The following CEP72 variants were observed in gnomAD, a reference collection of about 807,000 sequenced individuals.
CEP72 encodes centrosomal protein 72.
In CEP72, 78 loss-of-function variants were observed where a neutral mutation model predicts 65.7. The ratio of observed to expected loss-of-function variants is 1.19; its 90% confidence interval spans 0.99 to 1.43. The LOEUF (loss-of-function observed/expected upper bound fraction) is 1.43, where lower values mean the gene tolerates loss of function less well. Ranked by LOEUF, CEP72 falls within the 40% of genes most tolerant of loss-of-function variation. CEP72 has a pLI of 0.00. For missense variants in CEP72, 914 were observed against 832.9 expected (o/e 1.10, Z -1.20); for synonymous variants, 358 against 351.7 (o/e 1.02, Z -0.20).
Position 631,555 on chromosome 5 carries a change from T to C in CEP72, c.513-2214T>C, listed in dbSNP as rs370945316. On this transcript the variant is annotated intron_variant, in intron 4 of 11. Coordinates refer to ENST00000264935, the MANE Select transcript of CEP72 (RefSeq NM_018140.4). The stretch of plus-strand genomic sequence containing the variant: ...CCAGTCCTGGTGGGGTTCTGTCCAG[T>C]GCCGGGATTTGGACCAGTTCTGGTG... 6.7e-4 allele frequency among the ~76,000 whole-genome samples: 17 copies of C among 25,224 alleles called. 1 individual carries two copies. The highest frequency in any genetic ancestry group is 1.3e-4 in the Non-Finnish European group (2 of 15,962). The allele number at this position is 25,224 out of a possible 152,430, so 16.5% of individuals were successfully genotyped here.
At chr5:665,146 T>C in intron 2 of CEP72, 1 of 1,613,164 alleles carries the variant, frequency 6.2e-7, no homozygotes, top group Non-Finnish European at 8.5e-7. Context: ...CCTGCGTGCT[T>C]GTAGCCGGAC....
intron 6 of CEP72, among the ~76,000 whole-genome samples, chr5:637,030 G>A (rs1465076098): frequency 6.6e-6 from 1 of 152,102 alleles, no homozygotes; most frequent in East Asian, 1.9e-4. Context: ...TCCTTCCACA[G>A]ACAAGTTTGC....
chr5:614,641 A>ATGATCCACCGCGCCCGGCC (rs1735878962), intron 1 of CEP72, among the ~76,000 whole-genome samples: 1 of 151,942 alleles, frequency 6.6e-6, no homozygotes, highest in African/African-American at 2.4e-5. Flanking sequence ...GATTACAGGC[A>ATGATCCACCGCGCCCGGCC]TGATCCACCG....
At chr5:616,996 G>C (rs1038915740) in intron 1 of CEP72, among the ~76,000 whole-genome samples, 4 of 152,006 alleles carry the variant, frequency 2.6e-5, no homozygotes, top group African/African-American at 9.7e-5. Flanking sequence ...GATGTGAACA[G>C]TGTGTGTGGT....
At chr5:637,374 G>A in intron 6 of CEP72, 143 bp from the exon 7 acceptor site, 1 of 689,158 alleles carries the variant, frequency 1.5e-6, no homozygotes, top group Non-Finnish European at 2.5e-6. Context: ...ACGTGGATAG[G>A]TGTGCGTGTA....
chr5:637,843 A>G, intron 7 of CEP72, 25 bp downstream of exon 7: 9 of 1,501,514 alleles, frequency 6.0e-6, no homozygotes, highest in Non-Finnish European at 8.0e-6. Context: ...GGGGAGCAGC[A>G]GGCCCACGGC....
the CEP72 span, chr5:676,070 G>C: frequency 1.3e-5 from 2 of 152,228 alleles, no homozygotes; most frequent in African/African-American, 4.8e-5. Flanking sequence ...CGCTGGCCCT[G>C]GTTGCCTCTG....
chr5:612,415 G>A lies in CEP72; in HGVS notation c.54G>A (p.Lys18=), dbSNP rs533253178. ...LVLSEEAVRA[K]SGLGPHRDLA... ...TGAGCGAGGAGGCGGTTCGGGCGAA[G>A]AGCGGCTTAGGGCCTCACCGCGACC... The change falls in exon 1 of 12, where the codon AAG becomes AAA. Residue 18 remains lysine, a synonymous_variant. Transcript: ENST00000264935. The A allele has an allele frequency of 4.0e-6, 6 of 1,488,176 alleles. No homozygotes were observed. In the East Asian group the frequency reaches 1.4e-4, roughly 36 times the overall value. The allele number at this position is 1,488,176 out of a possible 1,614,324, so 92.2% of individuals were successfully genotyped here. A position where few individuals can be genotyped will look rare whatever the true frequency, so the allele number is the denominator to read the frequency against.
At chr5:643,215 A>G in intron 9 of CEP72, 1 of 985,424 alleles carries the variant, frequency 1.0e-6, no homozygotes, top group Non-Finnish European at 1.2e-6. Context: ...AAAGAAACAA[A>G]TGAAAAAGAG....
intron 2 of CEP72, chr5:663,765 T>G (rs531632717): frequency 6.6e-6 from 1 of 152,546 alleles, no homozygotes; most frequent in South Asian, 2.1e-4. Context: ...TCTGGAAAAG[T>G]TTCCCCAGGA....
intron 8 of CEP72, among the ~76,000 whole-genome samples, chr5:639,954 G>A (rs368387080): frequency 6.8e-4 from 104 of 152,306 alleles, no homozygotes; most frequent in African/African-American, 2.5e-3. Flanking sequence ...CTGGACCCCA[G>A]CCCCATAAAC....
chr5:643,298 C>T (rs1318851108), intron 9 of CEP72: 2 of 985,310 alleles, frequency 2.0e-6, no homozygotes, highest in South Asian at 4.7e-5. Flanking sequence ...GTGGCACTGC[C>T]AGGAGCTTTC....
rs1404974399 is a variant in CEP72 at position 629,539 on chromosome 5, G to T, written c.513-4230G>T. Reference sequence around the variant, plus strand: ...GGGTTCTGTCCAGTGCCGGGATTTGGACCAGTCCTGGTGGGGTTCTGTCCA... The same window carrying T: ...GGGTTCTGTCCAGTGCCGGGATTTGTACCAGTCCTGGTGGGGTTCTGTCCA... On this transcript the variant is annotated intron_variant, in intron 4 of 11. Coordinates refer to ENST00000264935, the MANE Select transcript of CEP72 (RefSeq NM_018140.4). 3.8e-5 allele frequency among the ~76,000 whole-genome samples: 4 copies of T among 104,660 alleles called. No individual in the cohort carries two copies. The Admixed American group carries it at 3.8e-4, about 10-fold the overall frequency. 68.7% of individuals were successfully genotyped at this position (104,660 alleles called of 152,430 possible).
At chr5:641,790 G>T in intron 9 of CEP72, 1 of 983,072 alleles carries the variant, frequency 1.0e-6, no homozygotes, top group Non-Finnish European at 1.2e-6. Context: ...CCGTCTAGAA[G>T]CCTGTGCATT....
At chr5:636,822 A>G (rs77124131) in intron 6 of CEP72, among the ~76,000 whole-genome samples, 11 of 151,854 alleles carry the variant, frequency 7.2e-5, no homozygotes, top group Admixed American at 2.6e-4. Flanking sequence ...AAAAAAAAAA[A>G]AAAAAGAAAA....
intron 10 of CEP72, 133 bp downstream of exon 10, chr5:644,558 C>T: frequency 1.9e-6 from 2 of 1,046,696 alleles, no homozygotes; most frequent in Admixed American, 2.1e-5. Context: ...GAGCCGAGCC[C>T]CTGCCTCACT....
rs528818961 is a variant in CEP72 at position 633,812 on chromosome 5, C to T, written c.556C>T (p.Gln186Ter). The T allele has an allele frequency of 3.2e-5, 52 of 1,614,120 alleles. 1 individual carries two copies. The South Asian group carries it at 4.8e-4, about 15-fold the overall frequency. ...CAAGTGCACCGAGGCCTTGGCCAAG[C>T]AGAGCCTGGTCATGGATGCGGATGA... ...RAKCTEALAKQSLVMDADDEA... is the reference protein window; with the variant it reads ...RAKCTEALAK Residue 186 changes from glutamine to a stop codon, truncating the protein, a stop_gained, in exon 5 of 12, where the codon CAG becomes TAG. Transcript: ENST00000264935. LOFTEE classifies it high-confidence loss of function.
At chr5:666,056 G>C in exon 4 of CEP72, 1 of 1,611,978 alleles carries the variant, frequency 6.2e-7, no homozygotes, top group Non-Finnish European at 8.5e-7. Context: ...TCTTTGAATC[G>C]CTTCTTGGCG....
At chr5:666,651 C>G (rs1029423833) in intron 4 of CEP72, among the ~76,000 whole-genome samples, 31 of 151,572 alleles carry the variant, frequency 2.0e-4, no homozygotes, top group Admixed American at 1.7e-3. Context: ...CCGCTGTGCC[C>G]TTGCACTGCT....
Sources: allele counts gnomAD v4.1 joint callset (sites outside exome capture counted in the v4.1 genomes callset), GRCh38; gene constraint gnomAD v4.1.1; transcripts MANE v1.5; gene names NCBI Gene and HGNC (gene_info 2026-07-23, HGNC 2026-07-21).